Variants in ADAMTS17 observed in about 807,000 individuals in gnomAD.
ADAMTS17 encodes the protein A disintegrin and metalloproteinase with thrombospondin motifs 17.
ADAMTS17 carries 113 observed loss-of-function variants against 141.5 expected under a neutral mutation model. The observed-to-expected ratio is 0.80, with a 90% confidence interval of 0.69 to 0.93. The LOEUF is 0.93. ADAMTS17 is among the 40% of genes least tolerant of loss of function. ADAMTS17 has a pLI of 0.00. For missense variants in ADAMTS17, 1,659 were observed against 1,517.9 expected, an observed-to-expected ratio of 1.09 and a Z score of -1.54; for synonymous variants, 768 against 630.6, an observed-to-expected ratio of 1.22 and a Z score of -3.27.
rs183672686 is a variant in ADAMTS17, at chr15:100,200,773, C to T, written c.1076-1350G>A. On this transcript the variant is annotated intron_variant, in intron 7 of 21. Transcript: ENST00000268070. ...CATGCCCTGGATGGGCTGTGGCCAC[C>T]AGGAAGGAGCACTTGCTCTCCCCCA... is the stretch of plus-strand genomic sequence containing the variant. Among the ~76,000 whole-genome samples, 171 of 152,130 alleles carry T rather than the reference C, an allele frequency of 1.1e-3. 3 individuals carry two copies. The highest frequency in any genetic ancestry group is 3.4e-3 in the African/African-American group (140 of 41,422).
intron 18 of ADAMTS17, among the ~76,000 whole-genome samples, chr15:100,004,714 G>A (rs980650881): frequency 2.7e-5 from 4 of 147,400 alleles, no homozygotes; most frequent in Non-Finnish European, 5.9e-5. Flanking sequence ...TCCACCTCCC[G>A]AGTTCAAGGG....
chr15:100,308,740 G>A (rs1348279501), intron 3 of ADAMTS17, among the ~76,000 whole-genome samples: 3 of 152,064 alleles, frequency 2.0e-5, no homozygotes, highest in Non-Finnish European at 2.9e-5. Context: ...CTTTCTCCAC[G>A]AGACAACCCA....
At chr15:100,327,314 G>A (rs976503236) in intron 3 of ADAMTS17, among the ~76,000 whole-genome samples, 1 of 152,150 alleles carries the variant, frequency 6.6e-6, no homozygotes, top group African/African-American at 2.4e-5. Flanking sequence ...TGCTATAAAT[G>A]AACAAACAAT....
intron 3 of ADAMTS17, among the ~76,000 whole-genome samples, chr15:100,322,487 A>T (rs2045761238): frequency 6.6e-6 from 1 of 152,224 alleles, no homozygotes; most frequent in Admixed American, 6.5e-5. Flanking sequence ...AGAGTAATAG[A>T]ATTCAGAATC....
intron 18 of ADAMTS17, among the ~76,000 whole-genome samples, chr15:100,011,811 G>C (rs1466341170): frequency 1.3e-5 from 2 of 152,206 alleles, no homozygotes; most frequent in African/African-American, 2.4e-5. Flanking sequence ...ATGGGCATTT[G>C]GGTAGGTTCC....
At chr15:100,275,414 G>A (rs2044048274) in intron 4 of ADAMTS17, among the ~76,000 whole-genome samples, 1 of 152,216 alleles carries the variant, frequency 6.6e-6, no homozygotes, top group Non-Finnish European at 1.5e-5. Context: ...TGGTTATTCT[G>A]TAGCAAGGAT....
At chr15:100,329,682 T>A (rs2045992385) in intron 3 of ADAMTS17, among the ~76,000 whole-genome samples, 1 of 152,184 alleles carries the variant, frequency 6.6e-6, no homozygotes, top group African/African-American at 2.4e-5. Flanking sequence ...AGAAAAACCC[T>A]AATGTCTCCA....
chr15:100,225,825 C>T (rs1260405358), intron 7 of ADAMTS17, among the ~76,000 whole-genome samples: 1 of 149,232 alleles, frequency 6.7e-6, no homozygotes, highest in Non-Finnish European at 1.5e-5. Flanking sequence ...TTACAGCAGT[C>T]ACGGTCTCTG....
At chr15:100,231,417 G>T (rs762960097) in intron 7 of ADAMTS17, among the ~76,000 whole-genome samples, 1 of 152,138 alleles carries the variant, frequency 6.6e-6, no homozygotes, top group Non-Finnish European at 1.5e-5. Context: ...CCAGCCACTG[G>T]AATCCACAGG....
intron 3 of ADAMTS17, among the ~76,000 whole-genome samples, chr15:100,310,519 G>C (rs547762166): frequency 6.6e-6 from 1 of 152,344 alleles, no homozygotes; most frequent in East Asian, 1.9e-4. Flanking sequence ...TTACAGAGAA[G>C]AAAGGTCCCT....
intron 13 of ADAMTS17, among the ~76,000 whole-genome samples, chr15:100,109,617 G>T (rs908106881): frequency 1.3e-5 from 2 of 152,128 alleles, no homozygotes; most frequent in African/African-American, 4.8e-5. Context: ...CTGTGCTTTG[G>T]GGTACGGAGA....
chr15:100,045,940 G>T (rs1039751925), intron 18 of ADAMTS17, among the ~76,000 whole-genome samples: 2 of 152,112 alleles, frequency 1.3e-5, no homozygotes, highest in Non-Finnish European at 2.9e-5. Flanking sequence ...GAGTGCAGTG[G>T]TGTGATCTCA....
intron 10 of ADAMTS17, 41 bp from the exon 11 acceptor site, chr15:100,133,356 C>T: frequency 6.5e-7 from 1 of 1,545,168 alleles, no homozygotes; most frequent in East Asian, 2.4e-5. Flanking sequence ...GGAGAACACC[C>T]ACACTCACAG....
At chr15:100,011,386 A>C (rs575169035) in intron 18 of ADAMTS17, among the ~76,000 whole-genome samples, 42 of 102,694 alleles carry the variant, frequency 4.1e-4, no homozygotes, top group African/African-American at 1.6e-3. Flanking sequence ...CAGTAAGGAC[A>C]GAAGGGAGGG....
chr15:100,315,890 C>T (rs569716734), intron 3 of ADAMTS17, among the ~76,000 whole-genome samples: 4 of 152,326 alleles, frequency 2.6e-5, no homozygotes, highest in Admixed American at 2.0e-4. Flanking sequence ...GAGGGAACCA[C>T]GGGGGCAGAG....
At chr15:100,304,757 T>C (rs1162854900) in intron 3 of ADAMTS17, among the ~76,000 whole-genome samples, 1 of 152,200 alleles carries the variant, frequency 6.6e-6, no homozygotes, top group Non-Finnish European at 1.5e-5. Flanking sequence ...TGTAGTACAG[T>C]TGACCCTTGA....
intron 16 of ADAMTS17, among the ~76,000 whole-genome samples, chr15:100,053,170 T>C (rs1235853687): frequency 6.6e-6 from 1 of 152,182 alleles, no homozygotes; most frequent in Non-Finnish European, 1.5e-5. Context: ...TCGATAATGA[T>C]GAGCCATCAG....
At chr15:100,120,076 G>T (rs1342167210) in intron 12 of ADAMTS17, among the ~76,000 whole-genome samples, 1 of 152,158 alleles carries the variant, frequency 6.6e-6, no homozygotes, top group East Asian at 1.9e-4. Flanking sequence ...AGACTGACGT[G>T]AACTATATTA....
rs538262497 is a variant in ADAMTS17 at position 99,972,347 on chromosome 15, A to G, written c.*2055T>C. On this transcript the variant is annotated 3_prime_UTR_variant, in exon 22 of 22. Transcript: ENST00000268070. ...GGGGTATCTGACAATAACCCAATCA[A>G]TCCTTTTCATTCTGAGGGTGTGGGG... is the stretch of plus-strand genomic sequence containing the variant. 1 of 152,078 alleles carries G rather than the reference A, an allele frequency of 6.6e-6. No individual in the cohort carries two copies. Among genetic ancestry groups the G allele is most frequent in the African/African-American group, 2.4e-5 (1 of 41,414 alleles). 9.4% of individuals were successfully genotyped at this position (152,078 alleles called of 1,614,324 possible).
Sources: allele counts gnomAD v4.1 joint callset (sites outside exome capture counted in the v4.1 genomes callset), GRCh38; gene constraint gnomAD v4.1.1; transcripts MANE v1.5; gene names NCBI Gene and HGNC (gene_info 2026-07-23, HGNC 2026-07-21).